The following GPBP1 variants were observed in gnomAD, a reference collection of about 807,000 sequenced individuals.
GPBP1 encodes GC-rich promoter binding protein 1.
In GPBP1, 13 loss-of-function variants were observed where a neutral mutation model predicts 56.5. The observed-to-expected ratio is 0.23, with a 90% CI of 0.15 to 0.37. The LOEUF (loss-of-function observed/expected upper bound fraction) is 0.37. GPBP1 is among the 10% of genes least tolerant of loss of function. The pLI is 1.00. For synonymous variants in GPBP1, 204 were observed against 188.9 expected, an observed-to-expected ratio of 1.08 and a Z score of -0.66; for missense variants, 477 against 572.3, an observed-to-expected ratio of 0.83 and a Z score of 1.70.
At chr5:57,225,433 G>T (rs970739156) in intron 3 of GPBP1, among the ~76,000 whole-genome samples, 22 of 146,976 alleles carry the variant, frequency 1.5e-4, no homozygotes, top group Non-Finnish European at 2.8e-4. Context: ...GGCGGAGCTT[G>T]CAGTGAGCCA....
chr5:57,251,429 G>A (rs1741380783), intron 10 of GPBP1, among the ~76,000 whole-genome samples: 1 of 152,040 alleles, frequency 6.6e-6, no homozygotes, highest in Non-Finnish European at 1.5e-5. Context: ...TTGATGTCTA[G>A]CTTCTTTCAC....
At chr5:57,237,393 A>G in intron 6 of GPBP1, 1 of 506,310 alleles carries the variant, frequency 2.0e-6, no homozygotes, top group Non-Finnish European at 3.5e-6. Flanking sequence ...TAATCTTAGA[A>G]ATGATTTAGA....
chr5:57,200,273 G>T (rs1299592264), intron 2 of GPBP1, among the ~76,000 whole-genome samples: 1 of 150,668 alleles, frequency 6.6e-6, no homozygotes, highest in East Asian at 1.9e-4. Context: ...TTCTATGTTA[G>T]TGCTTGAGAA....
intron 3 of GPBP1, among the ~76,000 whole-genome samples, chr5:57,217,947 C>T (rs1222365585): frequency 6.6e-6 from 1 of 152,052 alleles, no homozygotes; most frequent in South Asian, 2.1e-4. Flanking sequence ...TTTCTTTTCA[C>T]TTATGAAATT....
chr5:57,213,707 A>G (rs922850382), intron 2 of GPBP1, among the ~76,000 whole-genome samples: 2 of 152,130 alleles, frequency 1.3e-5, no homozygotes, highest in Non-Finnish European at 2.9e-5. Context: ...TCTGTATTTC[A>G]TTTTGGGTTA....
intron 2 of GPBP1, among the ~76,000 whole-genome samples, chr5:57,186,277 T>G (rs1427438664): frequency 6.6e-6 from 1 of 151,924 alleles, no homozygotes; most frequent in Non-Finnish European, 1.5e-5. Context: ...CCTCAGCTAC[T>G]TGAGAGACCA....
At chr5:57,196,913 C>A (rs755540285) in intron 2 of GPBP1, among the ~76,000 whole-genome samples, 1 of 152,084 alleles carries the variant, frequency 6.6e-6, no homozygotes, top group Non-Finnish European at 1.5e-5. Context: ...TTCCAAGTAG[C>A]CGGGATTACA....
intron 3 of GPBP1, among the ~76,000 whole-genome samples, chr5:57,215,505 T>C (rs991344295): frequency 1.3e-5 from 2 of 152,264 alleles, no homozygotes; most frequent in African/African-American, 4.8e-5. Context: ...ATTTGATCCA[T>C]GCTCTGATCC....
chr5:57,217,058 CTA>C (rs1755728110), intron 3 of GPBP1, among the ~76,000 whole-genome samples: 1 of 152,136 alleles, frequency 6.6e-6, no homozygotes, highest in African/African-American at 2.4e-5. Context: ...TTAAAATTGT[CTA>C]TTTTTAAGAT....
chr5:57,191,980 T>C (rs1427004208), intron 2 of GPBP1, among the ~76,000 whole-genome samples: 1 of 152,248 alleles, frequency 6.6e-6, no homozygotes, highest in Admixed American at 6.5e-5. Context: ...CTAATGCAGA[T>C]AAATATCCAC....
chr5:57,252,254 G>C (rs1367627871), intron 10 of GPBP1, among the ~76,000 whole-genome samples: 2 of 151,490 alleles, frequency 1.3e-5, no homozygotes, highest in Non-Finnish European at 2.9e-5. Context: ...CGGCTTCAGT[G>C]GTACCTATTG....
chr5:57,224,246 CTT>C (rs1234096946), intron 3 of GPBP1, among the ~76,000 whole-genome samples: 21 of 139,472 alleles, frequency 1.5e-4, no homozygotes, highest in African/African-American at 1.0e-4. Context: ...TCCTGATCCT[CTT>C]TTTTTTTTTT....
intron 2 of GPBP1, among the ~76,000 whole-genome samples, chr5:57,188,235 G>T (rs1001480533): frequency 1.5e-4 from 21 of 136,376 alleles, no homozygotes; most frequent in Non-Finnish European, 3.0e-4. Context: ...CAGAATGAGA[G>T]ACTGTCTCAA....
intron 3 of GPBP1, chr5:57,221,448 A>G (rs1452415874): frequency 2.7e-6 from 3 of 1,097,020 alleles, no homozygotes; most frequent in Admixed American, 2.2e-5. Flanking sequence ...TTAGATAACT[A>G]GCAAATTCCA....
At chr5:57,251,710 T>C (rs886871528) in intron 10 of GPBP1, among the ~76,000 whole-genome samples, 4 of 152,072 alleles carry the variant, frequency 2.6e-5, no homozygotes, top group African/African-American at 9.7e-5. Flanking sequence ...TACCTAGGAG[T>C]TGAATTGCTG....
chr5:57,211,062 A>G (rs2111747887), intron 2 of GPBP1, among the ~76,000 whole-genome samples: 1 of 152,310 alleles, frequency 6.6e-6, no homozygotes, highest in Admixed American at 6.5e-5. Flanking sequence ...ACAAAATCAG[A>G]TGGCACAATG....
At chr5:57,249,287 A>G (rs1741248190) in intron 8 of GPBP1, 122 bp from the exon 9 acceptor site, 1 of 717,282 alleles carries the variant, frequency 1.4e-6, no homozygotes. Flanking sequence ...TGTAACATAG[A>G]CATTATAATC....
chr5:57,261,031 C>CA, intron 10 of GPBP1, 149 bp from the exon 11 acceptor site: 1 of 499,846 alleles, frequency 2.0e-6, no homozygotes, highest in Admixed American at 3.7e-5. Flanking sequence ...GAAAGATACT[C>CA]AAAGCCTGAG....
intron 10 of GPBP1, among the ~76,000 whole-genome samples, chr5:57,253,822 G>T (rs756643833): frequency 9.9e-5 from 15 of 152,178 alleles, no homozygotes; most frequent in Non-Finnish European, 1.6e-4. Context: ...CTGTGTCACT[G>T]TGTTTCCCAG....
Sources: allele counts gnomAD v4.1 joint callset (sites outside exome capture counted in the v4.1 genomes callset), GRCh38; gene constraint gnomAD v4.1.1; transcripts MANE v1.5; gene names NCBI Gene and HGNC (gene_info 2026-07-23, HGNC 2026-07-21).